SBNO2: variants seen among roughly 807,000 people sequenced by gnomAD.
SBNO2 encodes the protein protein strawberry notch homolog 2.
In SBNO2, 89 loss-of-function variants were observed where a neutral mutation model predicts 146.3. That is an observed-to-expected ratio of 0.61 (90% CI 0.51 to 0.73). The LOEUF is 0.73. SBNO2 is among the 30% of genes least tolerant of loss of function. SBNO2 has a pLI of 0.00. For synonymous variants in SBNO2, 1,147 were observed against 892.6 expected, an observed-to-expected ratio of 1.29 and a Z score of -5.08; for missense variants, 2,092 against 2,003.7, an observed-to-expected ratio of 1.04 and a Z score of -0.84.
intron 13 of SBNO2, 88 bp downstream of exon 13, chr19:1,119,428 C>CGTGGCA: frequency 9.3e-7 from 1 of 1,072,930 alleles, no homozygotes; most frequent in Non-Finnish European, 1.4e-6. Context: ...GGGAAGCACA[C>CGTGGCA]GTGGCAGTGC....
At chr19:1,135,810 C>T (rs1339268073) in intron 4 of SBNO2, among the ~76,000 whole-genome samples, 1 of 152,116 alleles carries the variant, frequency 6.6e-6, no homozygotes, top group Non-Finnish European at 1.5e-5. Context: ...ACAGAAGAGG[C>T]TTCCAGGTGG....
intron 1 of SBNO2, among the ~76,000 whole-genome samples, chr19:1,165,718 GACCC>G (rs1473486259): frequency 7.5e-6 from 1 of 132,564 alleles, no homozygotes; most frequent in Non-Finnish European, 1.6e-5. Context: ...CCAGATCTCA[GACCC>G]CAGATCTCAG....
At position 1,136,936 on chromosome 19, in the gene SBNO2, A is replaced by G. The variant is rs2080089677; in HGVS notation, c.280-9171T>C. Among the ~76,000 whole-genome samples, 1 of 151,754 alleles carries G rather than the reference A, an allele frequency of 6.6e-6. No individual in the cohort carries two copies. Among genetic ancestry groups the G allele is most frequent in the South Asian group, 2.1e-4 (1 of 4,818 alleles). On this transcript the variant is annotated intron_variant, in intron 4 of 31. Coordinates refer to ENST00000361757, the MANE Select transcript of SBNO2 (RefSeq NM_014963.3). This position sits in a 1 kb window ranked among gnomAD's most constrained non-coding sequence, Gnocchi z 4.2. ...TGGGGACCCGGGATGGATGCCCGGC[A>G]GGTGGAGAGGTCCTCACAGGACAGG...
At chr19:1,161,991 G>A (rs1049998791) in intron 1 of SBNO2, among the ~76,000 whole-genome samples, 4 of 142,590 alleles carry the variant, frequency 2.8e-5, no homozygotes, top group Non-Finnish European at 6.0e-5. Flanking sequence ...ACAGACGGAC[G>A]TCCTGGCCCA....
intron 11 of SBNO2, among the ~76,000 whole-genome samples, chr19:1,121,425 C>T (rs1599838455): frequency 6.6e-6 from 1 of 152,188 alleles, no homozygotes; most frequent in East Asian, 1.9e-4. Context: ...TTCTGTGTCT[C>T]GGCGTTAACT....
chr19:1,139,777 AGAGT>A (rs1051467684), intron 4 of SBNO2, among the ~76,000 whole-genome samples: 2 of 152,120 alleles, frequency 1.3e-5, no homozygotes, highest in African/African-American at 4.8e-5. Context: ...CCTGGGAGAC[AGAGT>A]GAGACTTTGT....
At chr19:1,127,439 CAACT>C (rs1369353766) in intron 5 of SBNO2, 161 bp downstream of exon 5, 1 of 681,700 alleles carries the variant, frequency 1.5e-6, no homozygotes. Flanking sequence ...AGAGGACCCT[CAACT>C]AACCACCTCA....
intron 1 of SBNO2, among the ~76,000 whole-genome samples, chr19:1,162,028 C>T (rs1181519147): frequency 6.7e-6 from 1 of 149,808 alleles, no homozygotes; most frequent in Admixed American, 6.7e-5. Context: ...CCACAGATGG[C>T]GCCTGGGGCC....
At chr19:1,128,641 C>A (rs555398385) in intron 4 of SBNO2, among the ~76,000 whole-genome samples, 1 of 151,238 alleles carries the variant, frequency 6.6e-6, no homozygotes, top group African/African-American at 2.4e-5. Flanking sequence ...GATCCATCCA[C>A]CTTGGCCTCC....
intron 1 of SBNO2, among the ~76,000 whole-genome samples, chr19:1,172,420 G>T (rs73509355): frequency 6.6e-6 from 1 of 152,192 alleles, no homozygotes; most frequent in African/African-American, 2.4e-5. Context: ...ATCTGGGGCC[G>T]GGCAGCCAGA....
chr19:1,112,754 C>A lies in SBNO2; in HGVS notation c.2379+64G>T, dbSNP rs1160443955. 1.3e-6 allele frequency: 2 copies of A among 1,507,284 alleles called. No individual in the cohort carries two copies. Among genetic ancestry groups the A allele is most frequent in the Non-Finnish European group, 1.8e-6 (2 of 1,125,538 alleles). 93.4% of individuals were successfully genotyped at this position (1,507,284 alleles called of 1,614,324 possible). ...TGCGCGGGTCCACAGTCCCCGGGGA[C>A]CCTTGGGCCCCTCTGTGCCTCTTGG... On this transcript the variant is annotated intron_variant, in intron 20 of 31. Transcript: ENST00000361757. The surrounding 1 kb of genome is among the most constrained non-coding windows in gnomAD (Gnocchi z 5.9).
Position 1,154,249 on chromosome 19 carries a change from T to C in SBNO2, c.28A>G (p.Arg10Gly), listed in dbSNP as rs1172819854. 3.9e-6 allele frequency: 5 copies of C among 1,270,718 alleles called. No homozygotes were observed. In the East Asian group the frequency reaches 8.9e-5, roughly 23 times the overall value. 78.7% of individuals were successfully genotyped at this position (1,270,718 alleles called of 1,614,324 possible). MLAVGPAMD[R>G]DYPQHEPPPA... ...GGGGGTTCATGCTGCGGGTAATCCC[T>C]GTCCATGGCGGGCCCCACTGCAAGC... Residue 10 changes from arginine to glycine, a missense_variant, in exon 2 of 32, where the codon AGG (arginine) becomes GGG (glycine). Coordinates refer to ENST00000361757, the MANE Select transcript of SBNO2 (RefSeq NM_014963.3).
In SBNO2 at chr19:1,112,225, C is replaced by T; in HGVS notation, c.2592G>A (p.Arg864=). ...GGCGCTTGGCCACGATGGAGGCGAA[C>T]CGGCGCTCCCCGGCCAGCTCCGAGA... ...FLISELAGER[R]FASIVAKRLE... The change falls in exon 22 of 32, where the codon CGG becomes CGA. Residue 864 remains arginine, a synonymous_variant. Transcript: ENST00000361757. The surrounding 1 kb of genome is among the most constrained non-coding windows in gnomAD (Gnocchi z 5.9). 1.3e-6 allele frequency: 2 copies of T among 1,590,110 alleles called. No homozygotes were observed. Among genetic ancestry groups the T allele is most frequent in the Non-Finnish European group, 1.7e-6 (2 of 1,168,706 alleles).
chr19:1,116,010 G>A lies in SBNO2; in HGVS notation c.1885+11C>T, dbSNP rs2079827964. The A allele has an allele frequency of 1.2e-6, 2 of 1,604,442 alleles. No individual in the cohort carries two copies. The highest frequency in any genetic ancestry group is 1.7e-6 in the Non-Finnish European group (2 of 1,176,824). ...GCAGGGGTGGGTGGGGCCATGGGGG[G>A]CAGGGCTTACGTTTCCGCTTGCTGC... On this transcript the variant is annotated intron_variant, in intron 17 of 31. Transcript: ENST00000361757.
At chr19:1,155,774 C>T (rs943080147) in intron 1 of SBNO2, among the ~76,000 whole-genome samples, 4 of 152,218 alleles carry the variant, frequency 2.6e-5, no homozygotes, top group Admixed American at 6.5e-5. Flanking sequence ...CTGCTGGGCC[C>T]AAGGCAGCTG....
chr19:1,109,912 C>G lies in SBNO2; in HGVS notation c.3029-135G>C, dbSNP rs2079734565. The G allele has an allele frequency of 2.0e-5, 13 of 658,442 alleles. No individual in the cohort carries two copies. The East Asian group carries it at 3.6e-4, about 18-fold the overall frequency. The allele number at this position is 658,442 out of a possible 1,614,324, so 40.8% of individuals were successfully genotyped here. Reference sequence around the variant, plus strand: ...AGGAGAGGGTGTCCTGGATCCTGGCCTGACCTGGCCCAGCGTGGGGATGGT... The same window carrying G: ...AGGAGAGGGTGTCCTGGATCCTGGCGTGACCTGGCCCAGCGTGGGGATGGT... On this transcript the variant is annotated intron_variant, in intron 26 of 31. Transcript: ENST00000361757. The surrounding 1 kb of genome is among the most constrained non-coding windows in gnomAD (Gnocchi z 4.2).
Position 1,111,538 on chromosome 19 carries a change from C to T in SBNO2, c.2777G>A (p.Gly926Glu). ...QTENKVPVPQGYPGGVPTFFR... is the reference protein window; with the variant it reads ...QTENKVPVPQEYPGGVPTFFR... The stretch of plus-strand genomic sequence containing the variant: ...GAAGGTGGGGACCCCTCCAGGGTAT[C>T]CCTGGGGCACAGGCACTTTGTTCTC... The change falls in exon 24 of 32, where the codon GGA becomes GAA. Residue 926 changes from glycine (G) to glutamate (E), a missense_variant. Coordinates refer to ENST00000361757, the MANE Select transcript of SBNO2 (RefSeq NM_014963.3). The T allele has an allele frequency of 6.3e-7, 1 of 1,592,904 alleles. No homozygotes were observed. The highest frequency in any genetic ancestry group is 8.5e-7 in the Non-Finnish European group (1 of 1,170,244).
Position 1,114,301 on chromosome 19 carries a change from G to A in SBNO2, c.2007C>T (p.Ser669=). The change falls in exon 18 of 32, where the codon TCC becomes TCT. Residue 669 remains serine (S), a synonymous_variant. Coordinates refer to ENST00000361757, the MANE Select transcript of SBNO2 (RefSeq NM_014963.3). ...SDPGLDSDFN[S]SPESLVDDDV... Reference sequence around the variant, plus strand: ...CGTCATCCACCAGGGACTCGGGGGAGGAGTTGAAGTCGCTGTCCAGGCCAG... The same window carrying A: ...CGTCATCCACCAGGGACTCGGGGGAAGAGTTGAAGTCGCTGTCCAGGCCAG... The A allele has an allele frequency of 3.2e-6, 5 of 1,555,002 alleles. No individual in the cohort carries two copies. Among genetic ancestry groups the A allele is most frequent in the Non-Finnish European group, 4.4e-6 (5 of 1,149,386 alleles).
In SBNO2 at chr19:1,127,649, C is replaced by T. The variant is rs1255492299; in HGVS notation, c.396G>A (p.Val132=). 3 of 1,613,350 alleles carry T rather than the reference C, an allele frequency of 1.9e-6. No individual in the cohort carries two copies. The highest frequency in any genetic ancestry group is 2.5e-6 in the Non-Finnish European group (3 of 1,179,880). Residue 132 remains valine (V), a synonymous_variant, in exon 5 of 32, where the codon GTG becomes GTA. Transcript: ENST00000361757. ...DFLPADSLNQ[V]STIWDDNPAP... ...CAGGGTTATCGTCCCAGATGGTGGACACCTGGTTGAGGCTGTCAGCCGGCA... is the reference window on the plus strand; with the variant it reads ...CAGGGTTATCGTCCCAGATGGTGGATACCTGGTTGAGGCTGTCAGCCGGCA...
Sources: allele counts gnomAD v4.1 joint callset (sites outside exome capture counted in the v4.1 genomes callset), GRCh38; gene constraint gnomAD v4.1.1; non-coding constraint Gnocchi (gnomAD v3.1); transcripts MANE v1.5; gene names NCBI Gene and HGNC (gene_info 2026-07-23, HGNC 2026-07-21).